Variants in NEGR1 observed in about 807,000 individuals in gnomAD.
NEGR1 encodes IgLON family member 4.
In NEGR1, 10 loss-of-function variants were observed where a neutral mutation model predicts 40.9. The ratio of observed to expected loss-of-function variants is 0.24; its 90% CI spans 0.15 to 0.42. The LOEUF (loss-of-function observed/expected upper bound fraction) is 0.42. Among genes scored for constraint, NEGR1 ranks in the 10% least tolerant of loss-of-function variants. The pLI is 1.00. For missense variants in NEGR1, 352 were observed against 438.9 expected (o/e 0.80, Z 1.77); for synonymous variants, 185 against 166.8 (o/e 1.11, Z -0.84).
intron 6 of NEGR1, among the ~76,000 whole-genome samples, chr1:71,472,956 A>T (rs1436531838): frequency 6.6e-6 from 1 of 152,144 alleles, no homozygotes; most frequent in African/African-American, 2.4e-5. Context: ...ACAATGGGAC[A>T]GAAAAAAGTG....
intron 3 of NEGR1, among the ~76,000 whole-genome samples, chr1:71,728,825 T>C (rs1236616127): frequency 6.6e-6 from 1 of 152,142 alleles, no homozygotes; most frequent in Admixed American, 6.6e-5. Context: ...CTACTCCCTT[T>C]CTCAAAAGTT....
chr1:71,513,808 G>A (rs546328993), intron 6 of NEGR1, among the ~76,000 whole-genome samples: 54 of 151,476 alleles, frequency 3.6e-4, no homozygotes, highest in African/African-American at 1.3e-3. Flanking sequence ...TTCCATCTGA[G>A]GTACCGGGTT....
chr1:72,036,785 C>T (rs186924268), intron 1 of NEGR1, among the ~76,000 whole-genome samples: 39 of 151,170 alleles, frequency 2.6e-4, no homozygotes, highest in African/African-American at 6.3e-4. Context: ...ATATGAATTA[C>T]ATATAGAAAA....
chr1:71,735,878 A>G (rs1033940924), intron 3 of NEGR1, among the ~76,000 whole-genome samples: 15 of 152,106 alleles, frequency 9.9e-5, no homozygotes, highest in Admixed American at 2.0e-4. Flanking sequence ...TTAAATTGTT[A>G]CATATGAATT....
intron 1 of NEGR1, among the ~76,000 whole-genome samples, chr1:72,030,708 G>T (rs1015701665): frequency 6.6e-6 from 1 of 151,992 alleles, no homozygotes; most frequent in African/African-American, 2.4e-5. Context: ...ACTTACATGA[G>T]AACATTAGAT....
intron 6 of NEGR1, among the ~76,000 whole-genome samples, chr1:71,513,475 C>T (rs981758829): frequency 6.6e-6 from 1 of 152,220 alleles, no homozygotes; most frequent in Non-Finnish European, 1.5e-5. Context: ...CTAAGGAATA[C>T]ATGCCATTTC....
chr1:71,877,272 C>G (rs1403611351), intron 2 of NEGR1, among the ~76,000 whole-genome samples: 1 of 152,150 alleles, frequency 6.6e-6, no homozygotes, highest in East Asian at 1.9e-4. Flanking sequence ...CTATAATAAT[C>G]TATAGGGACT....
At chr1:71,936,980 A>G (rs1216457338) in intron 1 of NEGR1, among the ~76,000 whole-genome samples, 5 of 152,218 alleles carry the variant, frequency 3.3e-5, no homozygotes, top group African/African-American at 7.2e-5. Flanking sequence ...ACACACATAC[A>G]TAAAAATAGT....
chr1:71,739,080 A>G (rs1655127141), intron 3 of NEGR1, among the ~76,000 whole-genome samples: 1 of 151,956 alleles, frequency 6.6e-6, no homozygotes. Flanking sequence ...GTGTGTGTGT[A>G]AGCCTGTTGC....
intron 2 of NEGR1, among the ~76,000 whole-genome samples, chr1:71,927,008 A>C (rs900961260): frequency 3.9e-5 from 6 of 152,146 alleles, no homozygotes; most frequent in Non-Finnish European, 7.4e-5. Flanking sequence ...TATTTAGAAC[A>C]AAAAAATGTG....
chr1:71,584,457 A>G (rs1360339558), intron 6 of NEGR1, among the ~76,000 whole-genome samples: 1 of 152,200 alleles, frequency 6.6e-6, no homozygotes, highest in African/African-American at 2.4e-5. Flanking sequence ...AGAAATAGGA[A>G]GTTTAATCAT....
chr1:71,519,774 C>A (rs1474343964), intron 6 of NEGR1, among the ~76,000 whole-genome samples: 3 of 149,390 alleles, frequency 2.0e-5, no homozygotes. Context: ...GATCACACAG[C>A]AAGTGAATCA....
intron 2 of NEGR1, among the ~76,000 whole-genome samples, chr1:71,876,636 G>A (rs2101838448): frequency 6.6e-6 from 1 of 150,816 alleles, no homozygotes; most frequent in Middle Eastern, 3.4e-3. Context: ...AAAGAAGGAA[G>A]GAAATAAATT....
chr1:72,243,269 C>A (rs919037596), intron 1 of NEGR1, among the ~76,000 whole-genome samples: 1 of 151,716 alleles, frequency 6.6e-6, no homozygotes, highest in Non-Finnish European at 1.5e-5. Context: ...CTTAAAAGGG[C>A]TACTTCAGTT....
chr1:71,669,411 CT>C lies in NEGR1; in HGVS notation c.667+28596del, dbSNP rs537953968. ...CTTATTTTGTGTTCCATTTTCTCTT[CT>C]TTTTTACTTTCTGTAGAGTAGCTAT... On this transcript the variant is annotated intron_variant, in intron 4 of 6. Transcript: ENST00000357731. 2.1e-3 allele frequency among the ~76,000 whole-genome samples: 326 copies of C among 151,906 alleles called. 3 individuals carry two copies. The highest frequency in any genetic ancestry group is 4.0e-3 in the Non-Finnish European group (270 of 67,910).
At chr1:71,795,601 TTTCCA>T (rs1448273968) in intron 2 of NEGR1, among the ~76,000 whole-genome samples, 1 of 152,054 alleles carries the variant, frequency 6.6e-6, no homozygotes, top group African/African-American at 2.4e-5. Context: ...GATTATACAG[TTTCCA>T]AAAGCAAAAA....
chr1:71,595,554 G>T (rs1457600370), intron 5 of NEGR1, among the ~76,000 whole-genome samples: 2 of 152,146 alleles, frequency 1.3e-5, no homozygotes, highest in Non-Finnish European at 2.9e-5. Flanking sequence ...GGGGTATGAA[G>T]ACGGGCTTTC....
At chr1:72,082,378 G>T (rs1477082342) in intron 1 of NEGR1, among the ~76,000 whole-genome samples, 1 of 152,000 alleles carries the variant, frequency 6.6e-6, no homozygotes, top group African/African-American at 2.4e-5. Context: ...ATTTTAATTC[G>T]AATGTCATTT....
intron 1 of NEGR1, among the ~76,000 whole-genome samples, chr1:72,187,982 A>T (rs1203411194): frequency 3.3e-5 from 5 of 151,460 alleles, no homozygotes; most frequent in African/African-American, 9.7e-5. Context: ...ACTCCGGAGA[A>T]TTTAATCAAT....
Sources: gnomAD v4.1 joint callset for allele counts (sites outside exome capture counted in the v4.1 genomes callset) on GRCh38, gnomAD v4.1.1 for gene constraint, MANE v1.5 for transcripts, NCBI Gene and HGNC (gene_info 2026-07-23, HGNC 2026-07-21) for gene names.